Variants in HPCAL1 observed in about 807,000 individuals in gnomAD.
HPCAL1 encodes the protein hippocalcin-like protein 1.
HPCAL1 carries 8 observed loss-of-function variants against 17.1 expected under a neutral mutation model. The ratio of observed to expected loss-of-function variants is 0.47; its 90% CI spans 0.27 to 0.84. The LOEUF is 0.84. Among genes scored for constraint, HPCAL1 ranks in the 40% least tolerant of loss-of-function variants. The pLI is 0.13. For missense variants in HPCAL1, 165 were observed against 271.1 expected (o/e 0.61, Z 2.75); for synonymous variants, 112 against 111.4 (o/e 1.01, Z -0.03).
At chr2:10,355,193 T>G (rs892272192) in intron 1 of HPCAL1, among the ~76,000 whole-genome samples, 16 of 152,206 alleles carry the variant, frequency 1.1e-4, no homozygotes, top group African/African-American at 3.9e-4. Flanking sequence ...GGCTCACGCC[T>G]GTAATCCCAG....
intron 1 of HPCAL1, among the ~76,000 whole-genome samples, chr2:10,341,376 A>T (rs560615217): frequency 6.6e-6 from 1 of 152,160 alleles, no homozygotes; most frequent in African/African-American, 2.4e-5. Flanking sequence ...ACCTGAGCCC[A>T]GGAAGTCGAG....
chr2:10,389,825 C>T (rs1399186219), intron 1 of HPCAL1, among the ~76,000 whole-genome samples: 1 of 152,288 alleles, frequency 6.6e-6, no homozygotes, highest in Admixed American at 6.5e-5. Context: ...GGGGCTGGGA[C>T]AAATTGTGCA....
intron 1 of HPCAL1, among the ~76,000 whole-genome samples, chr2:10,357,657 A>G (rs996419272): frequency 1.3e-5 from 2 of 151,322 alleles, no homozygotes; most frequent in African/African-American, 4.9e-5. Flanking sequence ...AAATATCACG[A>G]CCTCCCTCCC....
At chr2:10,408,770 CA>C (rs1441701250) in intron 2 of HPCAL1, 1 of 152,214 alleles carries the variant, frequency 6.6e-6, no homozygotes, top group Non-Finnish European at 1.5e-5. Flanking sequence ...ATCTTTCACT[CA>C]AGGGCACTAA....
intron 1 of HPCAL1, among the ~76,000 whole-genome samples, chr2:10,361,862 G>A (rs758382358): frequency 1.1e-4 from 16 of 151,860 alleles, no homozygotes; most frequent in South Asian, 2.1e-4. Flanking sequence ...GATTATAGGC[G>A]CCCGCCACCA....
chr2:10,333,574 GCT>G (rs1664521816), intron 1 of HPCAL1, among the ~76,000 whole-genome samples: 2 of 152,184 alleles, frequency 1.3e-5, no homozygotes, highest in Non-Finnish European at 2.9e-5. Context: ...ATTGCTCTGT[GCT>G]CTCAGAGCTG....
At chr2:10,416,614 A>G (rs1325989735) in intron 2 of HPCAL1, among the ~76,000 whole-genome samples, 3 of 152,076 alleles carry the variant, frequency 2.0e-5, no homozygotes, top group Non-Finnish European at 4.4e-5. Context: ...ATCTCTACAA[A>G]CAAACCAAAA....
intron 1 of HPCAL1, among the ~76,000 whole-genome samples, chr2:10,369,878 C>T (rs947203959): frequency 6.6e-6 from 1 of 152,230 alleles, no homozygotes; most frequent in Admixed American, 6.5e-5. Context: ...CATTAGGCTG[C>T]CCCCAGTGTG....
intron 1 of HPCAL1, among the ~76,000 whole-genome samples, chr2:10,345,752 C>G (rs528504878): frequency 1.3e-5 from 2 of 152,280 alleles, no homozygotes; most frequent in Non-Finnish European, 2.9e-5. Context: ...CCACTGCACC[C>G]ATCCAGAAAA....
In HPCAL1 at chr2:10,342,242, G is replaced by A. The variant is rs1346736213; in HGVS notation, c.-111+39065G>A. Among the ~76,000 whole-genome samples the A allele has an allele frequency of 2.0e-5, 3 of 152,158 alleles. No individual in the cohort carries two copies. In the East Asian group the frequency reaches 5.8e-4, roughly 29 times the overall value. ...TGGAGCGTTTGTGGGATTTAAGACA[G>A]ATTTTTCCTTGCTGAGTGGTTATCA... On this transcript the variant is annotated intron_variant, in intron 1 of 4. Coordinates refer to ENST00000307845, the MANE Select transcript of HPCAL1 (RefSeq NM_002149.4). This position sits in a 1 kb window ranked among gnomAD's most constrained non-coding sequence, Gnocchi z 4.1.
intron 1 of HPCAL1, among the ~76,000 whole-genome samples, chr2:10,339,943 T>C (rs1475943548): frequency 6.6e-6 from 1 of 152,148 alleles, no homozygotes; most frequent in African/African-American, 2.4e-5. Flanking sequence ...ATCACAGGTG[T>C]GTATGTGAGG....
chr2:10,314,158 C>T (rs1663156417), intron 1 of HPCAL1, among the ~76,000 whole-genome samples: 1 of 151,850 alleles, frequency 6.6e-6, no homozygotes, highest in Non-Finnish European at 1.5e-5. Context: ...AAAAAGAATC[C>T]TCTTATAATA....
intron 1 of HPCAL1, among the ~76,000 whole-genome samples, chr2:10,381,272 T>C (rs748943072): frequency 1.3e-5 from 2 of 152,240 alleles, no homozygotes; most frequent in Non-Finnish European, 2.9e-5. Flanking sequence ...GGATGTTACG[T>C]TGTGCTTTGA....
intron 1 of HPCAL1, among the ~76,000 whole-genome samples, chr2:10,356,702 C>A (rs549335324): frequency 6.6e-6 from 1 of 152,274 alleles, no homozygotes; most frequent in South Asian, 2.1e-4. Context: ...GTGTGTAAGT[C>A]AGGGAGGCAG....
intron 1 of HPCAL1, among the ~76,000 whole-genome samples, chr2:10,324,732 G>C (rs1252222376): frequency 6.8e-6 from 1 of 147,244 alleles, no homozygotes; most frequent in Admixed American, 6.7e-5. Flanking sequence ...TGGGGGAGGG[G>C]GTGTTTGCTT....
At chr2:10,372,043 C>G (rs1381780553) in intron 1 of HPCAL1, among the ~76,000 whole-genome samples, 1 of 152,264 alleles carries the variant, frequency 6.6e-6, no homozygotes, top group East Asian at 1.9e-4. Context: ...GGAATACACA[C>G]AATGGTCATC....
rs77493597 is a variant in HPCAL1, at chr2:10,405,484, G to A, written c.-25+8564G>A. On this transcript the variant is annotated intron_variant, in intron 2 of 4. Transcript: ENST00000307845. Reference sequence around the variant, plus strand: ...GGCACTCGACAGCAGAGTTGGCCCCGTAGTCTCAGTTTTGCTCCCGCTAGG... The same window carrying A: ...GGCACTCGACAGCAGAGTTGGCCCCATAGTCTCAGTTTTGCTCCCGCTAGG... Among the ~76,000 whole-genome samples, 49 of 152,358 alleles carry A rather than the reference G, an allele frequency of 3.2e-4. 1 individual carries two copies. In the East Asian group the frequency reaches 8.5e-3, roughly 26 times the overall value.
chr2:10,314,839 A>C (rs1250392062), intron 1 of HPCAL1, among the ~76,000 whole-genome samples: 1 of 152,236 alleles, frequency 6.6e-6, no homozygotes, highest in Non-Finnish European at 1.5e-5. Flanking sequence ...TTTTTAAATG[A>C]ATTGCTAAGA....
intron 1 of HPCAL1, among the ~76,000 whole-genome samples, chr2:10,375,698 G>A (rs1572751309): frequency 6.6e-6 from 1 of 152,174 alleles, no homozygotes; most frequent in East Asian, 1.9e-4. Context: ...GTACAACAGG[G>A]ACAGGGATCA....
Sources: gnomAD v4.1 joint callset for allele counts (sites outside exome capture counted in the v4.1 genomes callset) on GRCh38, gnomAD v4.1.1 for gene constraint, Gnocchi (gnomAD v3.1) non-coding constraint, MANE v1.5 for transcripts, NCBI Gene and HGNC (gene_info 2026-07-23, HGNC 2026-07-21) for gene names.